Variants in ASAP1 observed in about 807,000 individuals in gnomAD.
The protein encoded by ASAP1 is arf-GAP with SH3 domain, ANK repeat and PH domain-containing protein 1.
ASAP1 carries 43 observed loss-of-function variants against 145.2 expected under a neutral mutation model. That is an observed-to-expected ratio of 0.30 (90% CI 0.23 to 0.38). The LOEUF (loss-of-function observed/expected upper bound fraction) is 0.38, where lower values mean the gene tolerates loss of function less well. Among genes scored for constraint, ASAP1 ranks in the 10% least tolerant of loss-of-function variants. ASAP1 has a pLI of 1.00. For missense variants in ASAP1, 1,018 were observed against 1,355.3 expected (o/e 0.75, Z 3.91); for synonymous variants, 546 against 515.5 (o/e 1.06, Z -0.80).
At chr8:130,259,534 C>G (rs1819767685) in intron 3 of ASAP1, among the ~76,000 whole-genome samples, 1 of 152,182 alleles carries the variant, frequency 6.6e-6, no homozygotes, top group Admixed American at 6.5e-5. Flanking sequence ...GGGCTCTGAT[C>G]CAACAAGTGC....
chr8:130,116,333 T>C (rs949611872), intron 22 of ASAP1, among the ~76,000 whole-genome samples: 1 of 152,232 alleles, frequency 6.6e-6, no homozygotes, highest in Non-Finnish European at 1.5e-5. Context: ...TGAGCTTTAC[T>C]TGCCCAATTT....
At chr8:130,406,934 T>A (rs1284872681) in intron 1 of ASAP1, among the ~76,000 whole-genome samples, 1 of 152,194 alleles carries the variant, frequency 6.6e-6, no homozygotes, top group Non-Finnish European at 1.5e-5. Context: ...GAGCTGAAAT[T>A]CCACCTCTTC....
chr8:130,313,212 C>T (rs1344980302), intron 3 of ASAP1, among the ~76,000 whole-genome samples: 1 of 152,018 alleles, frequency 6.6e-6, no homozygotes, highest in Non-Finnish European at 1.5e-5. Context: ...AGCAAAAATC[C>T]CTAAAGCCTG....
At chr8:130,225,618 GACA>G (rs1018322713) in intron 4 of ASAP1, among the ~76,000 whole-genome samples, 6 of 152,160 alleles carry the variant, frequency 3.9e-5, no homozygotes, top group African/African-American at 1.4e-4. Context: ...AGAACACACA[GACA>G]ACACTTGGAT....
intron 7 of ASAP1, among the ~76,000 whole-genome samples, chr8:130,186,808 C>T (rs1814762059): frequency 6.6e-6 from 1 of 152,136 alleles, no homozygotes; most frequent in African/African-American, 2.4e-5. Flanking sequence ...AGAGGTCATA[C>T]ATGCAAAAAA....
chr8:130,130,535 C>T (rs1267372801), intron 15 of ASAP1, among the ~76,000 whole-genome samples: 1 of 152,122 alleles, frequency 6.6e-6, no homozygotes, highest in South Asian at 2.1e-4. Context: ...GTGACATTAA[C>T]TTTTAAATTA....
intron 2 of ASAP1, among the ~76,000 whole-genome samples, chr8:130,362,246 G>A: frequency 6.6e-6 from 1 of 152,138 alleles, no homozygotes; most frequent in East Asian, 1.9e-4. Flanking sequence ...GGGGGAGTGT[G>A]GGTGGGGAGT....
chr8:130,427,212 T>G (rs1041002866), intron 1 of ASAP1, among the ~76,000 whole-genome samples: 1 of 152,142 alleles, frequency 6.6e-6, no homozygotes, highest in Non-Finnish European at 1.5e-5. Flanking sequence ...TTCTTGATAT[T>G]TTAAAGAACC....
In ASAP1 at chr8:130,112,217, T is replaced by C. The variant is rs2097548063; in HGVS notation, c.2278A>G (p.Arg760Gly). 8 of 1,614,160 alleles carry C rather than the reference T, an allele frequency of 5.0e-6. No individual in the cohort carries two copies. Among genetic ancestry groups the C allele is most frequent in the Non-Finnish European group, 6.8e-6 (8 of 1,180,030 alleles). Reference sequence around the variant, plus strand: ...CCATAGGAGAGCCGCTGTTTGTCCCTTGGAGTGCTGAATCCTGGCAGTGCC... The same window carrying C: ...CCATAGGAGAGCCGCTGTTTGTCCCCTGGAGTGCTGAATCCTGGCAGTGCC... The part of the protein sequence containing the change: ...KLALPGFSTP[R>G]DKQRLSYGAF... Residue 760 changes from arginine to glycine, a missense_variant, in exon 24 of 30, where the codon AGG (arginine) becomes GGG (glycine). Transcript: ENST00000518721.
At chr8:130,169,143 A>T in intron 9 of ASAP1, 76 bp from the exon 10 acceptor site, 1 of 889,358 alleles carries the variant, frequency 1.1e-6, no homozygotes, top group Non-Finnish European at 1.8e-6. Flanking sequence ...TGGAAATAAA[A>T]AAAGGAACTA....
chr8:130,401,861 C>T, intron 2 of ASAP1, 24 bp downstream of exon 2: 1 of 1,608,058 alleles, frequency 6.2e-7, no homozygotes, highest in African/African-American at 1.3e-5. Context: ...GTTTTCTGGA[C>T]AGGATGGGCT....
chr8:130,194,358 T>C (rs1365358786), intron 5 of ASAP1, among the ~76,000 whole-genome samples: 2 of 151,760 alleles, frequency 1.3e-5, no homozygotes, highest in Admixed American at 6.6e-5. Context: ...GAGGAAATTT[T>C]AGGAAATATT....
chr8:130,441,816 T>C (rs1189424854), intron 1 of ASAP1, among the ~76,000 whole-genome samples: 2 of 152,108 alleles, frequency 1.3e-5, no homozygotes, highest in African/African-American at 4.8e-5. Context: ...ATACTAAAAA[T>C]GAAAAACCAG....
intron 23 of ASAP1, 37 bp downstream of exon 23, chr8:130,115,591 T>G: frequency 6.7e-7 from 1 of 1,484,236 alleles, no homozygotes; most frequent in Non-Finnish European, 9.4e-7. Context: ...AAAGTTGGGG[T>G]AGTTGTTGAG....
At chr8:130,222,272 C>T (rs2136508880) in intron 4 of ASAP1, among the ~76,000 whole-genome samples, 1 of 152,328 alleles carries the variant, frequency 6.6e-6, no homozygotes, top group Middle Eastern at 3.4e-3. Flanking sequence ...ATGTGTTATA[C>T]CTTACCAAAC....
intron 2 of ASAP1, among the ~76,000 whole-genome samples, chr8:130,395,728 G>A (rs1185958197): frequency 6.6e-6 from 1 of 151,354 alleles, no homozygotes; most frequent in African/African-American, 2.4e-5. Flanking sequence ...GTGCAGTGAT[G>A]TGACCTCGGC....
chr8:130,204,560 GCTCC>G (rs1169327505), intron 5 of ASAP1, among the ~76,000 whole-genome samples: 1 of 152,104 alleles, frequency 6.6e-6, no homozygotes, highest in Admixed American at 6.6e-5. Context: ...TGCAGCTCCT[GCTCC>G]CTCCCATTTC....
At chr8:130,347,993 C>T (rs1371639002) in intron 3 of ASAP1, among the ~76,000 whole-genome samples, 1 of 152,226 alleles carries the variant, frequency 6.6e-6, no homozygotes, top group African/African-American at 2.4e-5. Context: ...TTCTAGGCCT[C>T]AGCTTCCTCA....
chr8:130,052,391 G>T lies in ASAP1; in HGVS notation c.*2340C>A, dbSNP rs1564904272. The T allele has an allele frequency of 6.6e-6, 1 of 152,248 alleles. No individual in the cohort carries two copies. The highest frequency in any genetic ancestry group is 1.9e-4 in the East Asian group (1 of 5,194). The allele number at this position is 152,248 out of a possible 1,614,324, so 9.4% of individuals were successfully genotyped here. A position where few individuals can be genotyped will look rare whatever the true frequency, so the allele number is the denominator to read the frequency against. ...TTTGCAGAACATAACTTTCCCCTCT[G>T]GGGGAAAAAGAACTAATTTGCTATT... On this transcript the variant is annotated 3_prime_UTR_variant, in exon 30 of 30. Transcript: ENST00000518721.
Sources: gnomAD v4.1 joint callset for allele counts (sites outside exome capture counted in the v4.1 genomes callset) on GRCh38, gnomAD v4.1.1 for gene constraint, MANE v1.5 for transcripts, NCBI Gene and HGNC (gene_info 2026-07-23, HGNC 2026-07-21) for gene names.